KDM5C: variants seen among roughly 807,000 people sequenced by gnomAD.
KDM5C encodes lysine-specific demethylase 5C.
Under a neutral mutation model 110.6 loss-of-function variants are expected in KDM5C, and 16 were observed. The ratio of observed to expected loss-of-function variants is 0.14; its 90% CI spans 0.10 to 0.22. The LOEUF is 0.22. Among genes scored for constraint, KDM5C ranks in the 10% least tolerant of loss-of-function variants. The pLI is 1.00. For missense variants in KDM5C, 681 were observed against 1,300.9 expected (o/e 0.52, Z 7.33); for synonymous variants, 511 against 520.4 (o/e 0.98, Z 0.24).
downstream of KDM5C, among the ~76,000 whole-genome samples, chrX:53,186,491 C>A (rs957353146): frequency 8.9e-6 from 1 of 111,858 alleles, no homozygotes; most frequent in Non-Finnish European, 1.9e-5. Context: ...ACTCCACCAC[C>A]GAATAGAATA....
intron 5 of KDM5C, among the ~76,000 whole-genome samples, 187 bp from the exon 6 acceptor site, chrX:53,216,384 C>T (rs376950671): frequency 1.8e-5 from 2 of 112,176 alleles, no homozygotes; most frequent in South Asian, 3.7e-4. Context: ...CCTCGGCCCT[C>T]TCTCAGAAAG....
chrX:53,183,265 A>C (rs868982520), intron 25 of KDM5C, among the ~76,000 whole-genome samples: 3 of 14,707 alleles, frequency 2.0e-4, no homozygotes, highest in African/African-American at 2.6e-4. Flanking sequence ...GTCTCTACAA[A>C]AAAAAAAAAA....
rs782572054 is a variant in KDM5C, at chrX:53,195,348, T to A, written c.3183A>T (p.Leu1061=). 2.5e-6 allele frequency: 3 copies of A among 1,204,839 alleles called. No individual in the cohort carries two copies. Among genetic ancestry groups the A allele is most frequent in the Admixed American group, 4.4e-5 (2 of 45,402 alleles). Residue 1061 remains leucine, a synonymous_variant, in exon 21 of 26, where the codon CTA becomes CTT. Transcript: ENST00000375401. ...LEGLVAVGRD[L]PVGLEELRQL... ...GTCTCAGCTCCTCCAGCCCCACAGG[T>A]AGGTCCCGGCCCACAGCTACTAGGC...
chrX:53,181,135 AT>A (rs1177258876), intron 25 of KDM5C, among the ~76,000 whole-genome samples: 11 of 106,241 alleles, frequency 1.0e-4, no homozygotes, highest in Non-Finnish European at 1.2e-4. Flanking sequence ...ATATATATAT[AT>A]TTTTTTTTGT....
chrX:53,195,483 G>A, intron 20 of KDM5C, 73 bp from the exon 21 acceptor site: 3 of 983,807 alleles, frequency 3.0e-6, no homozygotes, highest in East Asian at 6.6e-5. Context: ...GCCTGGCCCT[G>A]AGCTGGAAAG....
rs781785707 is a variant in KDM5C, at chrX:53,223,923, G to A, written c.150+817C>T. 4.5e-5 allele frequency among the ~76,000 whole-genome samples: 5 copies of A among 112,210 alleles called. No homozygotes were observed. The South Asian group carries it at 1.8e-3, about 41-fold the overall frequency. Reference sequence around the variant, plus strand: ...GGAAGTCAAGTCTGCGGGATGATGTGCAGAAAAGGCCTTGACATTGCCTTC... The same window carrying A: ...GGAAGTCAAGTCTGCGGGATGATGTACAGAAAAGGCCTTGACATTGCCTTC... On this transcript the variant is annotated intron_variant, in intron 1 of 25. Transcript: ENST00000375401.
At chrX:53,187,135 C>G (rs1260159582), downstream of KDM5C, among the ~76,000 whole-genome samples, 1 of 111,436 alleles carries the variant, frequency 9.0e-6, no homozygotes, top group Admixed American at 9.5e-5. Flanking sequence ...TGCATGGACT[C>G]CACAATATGG....
intron 18 of KDM5C, 66 bp downstream of exon 18, chrX:53,197,705 A>G (rs1418920734): frequency 1.1e-6 from 1 of 909,033 alleles, no homozygotes; most frequent in East Asian, 3.4e-5. Flanking sequence ...AAAGGAGCCA[A>G]GCATGGCCTG....
rs944698080 is a variant in KDM5C at position 53,210,338 on chromosome X, C to A, written c.1746+76G>T. On this transcript the variant is annotated intron_variant, in intron 12 of 25. Coordinates refer to ENST00000375401, the MANE Select transcript of KDM5C (RefSeq NM_004187.5). ...GCCAGGGGCAGAATACAGATGACAA[C>A]CACCGCCACCACCACCATCACAAAG... The A allele has an allele frequency of 1.2e-4, 141 of 1,145,016 alleles. No individual in the cohort carries two copies. In the African/African-American group the frequency reaches 2.1e-3, roughly 17 times the overall value. 94.4% of individuals were successfully genotyped at this position (1,145,016 alleles called of 1,213,427 possible).
chrX:53,185,445 A>G (rs782498721), intron 25 of KDM5C, among the ~76,000 whole-genome samples: 1 of 112,656 alleles, frequency 8.9e-6, no homozygotes, highest in Non-Finnish European at 1.9e-5. Context: ...GGAATACTAC[A>G]GAAGCAAGAA....
Position 53,214,850 on chromosome X carries a change from G to C in KDM5C, c.964-3C>G. On this transcript the variant is annotated splice_polypyrimidine_tract_variant and splice_region_variant and intron_variant, in intron 7 of 25. Transcript: ENST00000375401. ...ATCCGGCAGACATATGACTCAATCT[G>C]CCAGGGGAGAAGAGCAAAAGTTCTC... 8.3e-7 allele frequency: 1 copy of C among 1,210,989 alleles called. No individual in the cohort carries two copies.
At chrX:53,179,398 A>T (rs1472437075) in intron 25 of KDM5C, among the ~76,000 whole-genome samples, 1 of 111,855 alleles carries the variant, frequency 8.9e-6, no homozygotes, top group Non-Finnish European at 1.9e-5. Flanking sequence ...TTTGCAAAAG[A>T]CATATCTGAT....
chrX:53,197,011 C>T lies in KDM5C; in HGVS notation c.2656G>A (p.Glu886Lys), dbSNP rs782397308. Residue 886 changes from glutamate (E) to lysine (K), a missense_variant, in exon 19 of 26, where the codon GAG becomes AAG. Glu to Lys is a moderately conservative substitution (Grantham distance 56). Coordinates refer to ENST00000375401, the MANE Select transcript of KDM5C (RefSeq NM_004187.5). ...VLEQVEAYQAEAREALASLPS... is the reference protein window; with the variant it reads ...VLEQVEAYQAKAREALASLPS... ...AGTGAGGCCAGGGCCTCACGAGCCT[C>T]AGCCTGGTAGGCCTCCACCTGTTCC... The T allele has an allele frequency of 1.7e-6, 2 of 1,193,017 alleles. No homozygotes were observed. The highest frequency in any genetic ancestry group is 2.3e-6 in the Non-Finnish European group (2 of 886,086).
In KDM5C at chrX:53,192,256, CT is replaced by C. The variant is rs781950484; in HGVS notation, c.*710del. 104 of 161,744 alleles carry C rather than the reference CT, an allele frequency of 6.4e-4. No individual in the cohort carries two copies. Among genetic ancestry groups the C allele is most frequent in the South Asian group, 2.3e-3 (7 of 2,998 alleles). 13.3% of individuals were successfully genotyped at this position (161,744 alleles called of 1,213,427 possible). On this transcript the variant is annotated 3_prime_UTR_variant, in exon 26 of 26. Transcript: ENST00000375401. ...AGTTGGAACCAAGTTTCTTGTTTTGCTTTTTTTTTTCTTTTGAACAAATTAA... is the reference window on the plus strand; with the variant it reads ...AGTTGGAACCAAGTTTCTTGTTTTGCTTTTTTTTTCTTTTGAACAAATTAA...
intron 12 of KDM5C, among the ~76,000 whole-genome samples, chrX:53,204,238 C>CTTTTTT (rs10604955): frequency 1.6e-5 from 1 of 60,797 alleles, no homozygotes; most frequent in African/African-American, 6.2e-5. Flanking sequence ...AAAGAAAATC[C>CTTTTTT]TTTTTTTTTT....
intron 16 of KDM5C, 48 bp downstream of exon 16, chrX:53,198,716 G>A: frequency 8.3e-7 from 1 of 1,211,733 alleles, no homozygotes; most frequent in Non-Finnish European, 1.1e-6. Flanking sequence ...ACAGAAGAAA[G>A]GGAATAGAAC....
rs368753573 is a variant in KDM5C at position 53,217,103 on chromosome X, C to T, written c.657+40G>A. On this transcript the variant is annotated intron_variant, in intron 5 of 25. Coordinates refer to ENST00000375401, the MANE Select transcript of KDM5C (RefSeq NM_004187.5). ...GCCAGAAGGAAGGAGAGGACTCCCTCCACCTCAAAGCTCTAAGTTCGAAGA... is the reference window on the plus strand; with the variant it reads ...GCCAGAAGGAAGGAGAGGACTCCCTTCACCTCAAAGCTCTAAGTTCGAAGA... 48 of 1,184,470 alleles carry T rather than the reference C, an allele frequency of 4.1e-5. No individual in the cohort carries two copies. In the African/African-American group the frequency reaches 8.1e-4, roughly 20 times the overall value.
chrX:53,223,565 T>C (rs1320946112), intron 1 of KDM5C, among the ~76,000 whole-genome samples: 2 of 111,721 alleles, frequency 1.8e-5, no homozygotes, highest in African/African-American at 6.5e-5. Context: ...AACACCCTTT[T>C]CCAGCAAAGC....
chrX:53,194,691 C>T lies in KDM5C; in HGVS notation c.3486G>A (p.Leu1162=), dbSNP rs1934691039. 1 of 1,211,336 alleles carries T rather than the reference C, an allele frequency of 8.3e-7. No homozygotes were observed. ...EGEQKEKEGI[L]QLRRTNSAKP... is the part of the protein sequence containing the mutation. ...TGGCCGAATTGGTGCGACGCAGCTG[C>T]AGGATACCCTCCTTCTCCTTCTGTT... is the stretch of plus-strand genomic sequence containing the variant. Residue 1162 remains leucine, a synonymous_variant, in exon 23 of 26, where the codon CTG becomes CTA. Coordinates refer to ENST00000375401, the MANE Select transcript of KDM5C (RefSeq NM_004187.5).
Sources: gnomAD v4.1 joint callset for allele counts (sites outside exome capture counted in the v4.1 genomes callset) on GRCh38, gnomAD v4.1.1 for gene constraint, MANE v1.5 for transcripts, NCBI Gene and HGNC (gene_info 2026-07-23, HGNC 2026-07-21) for gene names.